FBXL7: variants seen among roughly 807,000 people sequenced by gnomAD.
FBXL7 encodes the protein F-box and leucine rich repeat protein 7.
In FBXL7, 12 loss-of-function variants were observed where a neutral mutation model predicts 38.3. The observed-to-expected ratio is 0.31, with a 90% CI of 0.20 to 0.51. The LOEUF (loss-of-function observed/expected upper bound fraction) is 0.51, where lower values mean the gene tolerates loss of function less well. Ranked by LOEUF, FBXL7 falls within the 20% of genes least tolerant of loss-of-function variation. FBXL7 has a pLI of 0.98. For missense variants in FBXL7, 567 were observed against 676.4 expected, an observed-to-expected ratio of 0.84 and a Z score of 1.79; for synonymous variants, 297 against 300.9, an observed-to-expected ratio of 0.99 and a Z score of 0.13.
intron 2 of FBXL7, among the ~76,000 whole-genome samples, chr5:15,859,735 A>G (rs1259983023): frequency 6.6e-6 from 1 of 152,172 alleles, no homozygotes; most frequent in Non-Finnish European, 1.5e-5. Context: ...CACGACATGT[A>G]GGGATTACGG....
At chr5:15,597,959 T>C (rs1452017964) in intron 1 of FBXL7, among the ~76,000 whole-genome samples, 2 of 152,248 alleles carry the variant, frequency 1.3e-5, no homozygotes, top group Non-Finnish European at 2.9e-5. Flanking sequence ...CAAGATTTAT[T>C]TTGCTTAATG....
At chr5:15,752,520 A>G (rs1736181139) in intron 2 of FBXL7, among the ~76,000 whole-genome samples, 1 of 152,094 alleles carries the variant, frequency 6.6e-6, no homozygotes. Flanking sequence ...ATTTTATTTT[A>G]TTTTTATCCC....
chr5:15,733,732 A>C (rs1057187399), intron 2 of FBXL7, among the ~76,000 whole-genome samples: 8 of 152,222 alleles, frequency 5.3e-5, no homozygotes, highest in Admixed American at 5.2e-4. Context: ...ACTAAAAGAA[A>C]CAAGCTTTGT....
chr5:15,839,632 A>G (rs574265627), intron 2 of FBXL7, among the ~76,000 whole-genome samples: 3 of 152,088 alleles, frequency 2.0e-5, no homozygotes, highest in South Asian at 4.1e-4. Flanking sequence ...TTTGTTGTTG[A>G]TATTTGTTCT....
intron 1 of FBXL7, among the ~76,000 whole-genome samples, chr5:15,537,078 C>T (rs1418726535): frequency 1.3e-5 from 2 of 152,206 alleles, no homozygotes; most frequent in Non-Finnish European, 2.9e-5. Context: ...GCTTCCCCTT[C>T]ATTTTCTGCC....
chr5:15,929,219 C>T (rs570453958), intron 3 of FBXL7, among the ~76,000 whole-genome samples: 20 of 152,312 alleles, frequency 1.3e-4, no homozygotes, highest in Admixed American at 9.8e-4. Context: ...TAGATTTCAC[C>T]AGCACTCTTC....
At chr5:15,717,542 G>A (rs1342735982) in intron 2 of FBXL7, among the ~76,000 whole-genome samples, 1 of 152,186 alleles carries the variant, frequency 6.6e-6, no homozygotes, top group African/African-American at 2.4e-5. Flanking sequence ...GAAGACCAGG[G>A]ATCGGGACAT....
chr5:15,854,775 T>G (rs1739204633), intron 2 of FBXL7, among the ~76,000 whole-genome samples: 1 of 152,140 alleles, frequency 6.6e-6, no homozygotes, highest in Non-Finnish European at 1.5e-5. Context: ...CCCATTGCAT[T>G]AAGTTACCCA....
At chr5:15,907,723 G>C (rs1217175929) in intron 2 of FBXL7, among the ~76,000 whole-genome samples, 1 of 92,342 alleles carries the variant, frequency 1.1e-5, no homozygotes, top group African/African-American at 5.2e-5. Flanking sequence ...TCCAGTTTCA[G>C]CTTTCTACAT....
intron 2 of FBXL7, among the ~76,000 whole-genome samples, chr5:15,761,365 T>G (rs1736435501): frequency 6.6e-6 from 1 of 152,196 alleles, no homozygotes; most frequent in African/African-American, 2.4e-5. Flanking sequence ...CTCCCAAAGA[T>G]GTTCTCCTGC....
intron 2 of FBXL7, among the ~76,000 whole-genome samples, chr5:15,643,349 A>G (rs1741428794): frequency 6.6e-6 from 1 of 152,192 alleles, no homozygotes; most frequent in Non-Finnish European, 1.5e-5. Context: ...ATAGCCAGGA[A>G]TCACCTTGTC....
At chr5:15,582,384 A>G (rs887086265) in intron 1 of FBXL7, among the ~76,000 whole-genome samples, 1 of 152,198 alleles carries the variant, frequency 6.6e-6, no homozygotes, top group African/African-American at 2.4e-5. Context: ...GATCAATTTG[A>G]TCTTCTCTGT....
At chr5:15,782,327 C>T (rs1482141086) in intron 2 of FBXL7, among the ~76,000 whole-genome samples, 1 of 152,082 alleles carries the variant, frequency 6.6e-6, no homozygotes, top group African/African-American at 2.4e-5. Context: ...ATTTATAATC[C>T]TTTGGGTATA....
chr5:15,531,699 C>T (rs191514660), intron 1 of FBXL7, among the ~76,000 whole-genome samples: 24 of 152,280 alleles, frequency 1.6e-4, no homozygotes, highest in African/African-American at 5.3e-4. Flanking sequence ...CAGGATTTTA[C>T]CCCATTTAAC....
intron 2 of FBXL7, among the ~76,000 whole-genome samples, chr5:15,633,768 AT>A (rs2126544652): frequency 6.8e-6 from 1 of 146,732 alleles, no homozygotes; most frequent in African/African-American, 2.5e-5. Flanking sequence ...TATTATTATT[AT>A]TATTATTATT....
chr5:15,845,445 C>G (rs919003661), intron 2 of FBXL7, among the ~76,000 whole-genome samples: 1 of 151,966 alleles, frequency 6.6e-6, no homozygotes, highest in Non-Finnish European at 1.5e-5. Flanking sequence ...AAGTAACATA[C>G]TTTTACCTCC....
At chr5:15,819,790 A>G (rs1738122905) in intron 2 of FBXL7, among the ~76,000 whole-genome samples, 1 of 152,190 alleles carries the variant, frequency 6.6e-6, no homozygotes, top group African/African-American at 2.4e-5. Flanking sequence ...TTCACCGCAC[A>G]AGCCCTGTCT....
At chr5:15,657,689 T>G (rs1471492693) in intron 2 of FBXL7, among the ~76,000 whole-genome samples, 1 of 151,988 alleles carries the variant, frequency 6.6e-6, no homozygotes. Context: ...AATACAAAAA[T>G]TATCTGGCTG....
intron 2 of FBXL7, among the ~76,000 whole-genome samples, chr5:15,890,561 G>C (rs199863651): frequency 6.6e-6 from 1 of 152,244 alleles, no homozygotes; most frequent in East Asian, 1.9e-4. Flanking sequence ...TCTTACAGGA[G>C]TGCAAGCCCT....
Sources: gnomAD v4.1 joint callset for allele counts (sites outside exome capture counted in the v4.1 genomes callset) on GRCh38, gnomAD v4.1.1 for gene constraint, MANE v1.5 for transcripts, NCBI Gene and HGNC (gene_info 2026-07-23, HGNC 2026-07-21) for gene names.